DOP1B: variants seen among roughly 807,000 people sequenced by gnomAD.
DOP1B encodes the protein DOP1 leucine zipper like protein B, also known as protein DOP1B.
In DOP1B, 174 loss-of-function variants were observed where a neutral mutation model predicts 233.5. That is an observed-to-expected ratio of 0.75 (90% CI 0.66 to 0.85). The LOEUF is 0.85. Ranked by LOEUF, DOP1B falls within the 40% of genes least tolerant of loss-of-function variation. DOP1B has a pLI of 0.00. For missense variants in DOP1B, 2,652 were observed against 2,846.6 expected (o/e 0.93, Z 1.56); for synonymous variants, 1,190 against 1,185.6 (o/e 1.00, Z -0.08).
chr21:36,245,537 C>T lies in DOP1B; in HGVS notation c.3557C>T (p.Thr1186Met), dbSNP rs1478524066. 18 of 1,613,440 alleles carry T rather than the reference C, an allele frequency of 1.1e-5. No individual in the cohort carries two copies. The highest frequency in any genetic ancestry group is 1.5e-5 in the Non-Finnish European group (18 of 1,180,040). The stretch of plus-strand genomic sequence containing the variant: ...CTGGTGCGGGTGGACTCGGACAAGA[C>T]GCAGGCTTCTGAGTCGTTCTCCAGC... ...LSLVRVDSDK[T>M]QASESFSSDE... The change falls in exon 19 of 37, where the codon ACG becomes ATG. Residue 1186 changes from threonine to methionine, a missense_variant. Physicochemically the swap from Thr to Met is moderately conservative, Grantham distance 81. Around this residue, in one of 3 missense-constraint regions of DOP1B, gnomAD observed 2,617 missense variants for 2,794.3 expected, o/e 0.94. Transcript: ENST00000691173. This position sits in a 1 kb window ranked among gnomAD's most constrained non-coding sequence, Gnocchi z 5.5.
chr21:36,277,758 A>T (rs548910616), intron 28 of DOP1B, among the ~76,000 whole-genome samples: 1 of 150,426 alleles, frequency 6.6e-6, no homozygotes, highest in African/African-American at 2.4e-5. Flanking sequence ...GGGTTCAAGC[A>T]GTTCTCCTGC....
chr21:36,236,741 G>A (rs1000379299), intron 15 of DOP1B, among the ~76,000 whole-genome samples: 2 of 151,046 alleles, frequency 1.3e-5, no homozygotes, highest in African/African-American at 4.9e-5. Context: ...TGACTTTGGT[G>A]GGTTTTTCCT....
chr21:36,293,702 G>A lies in DOP1B; in HGVS notation c.*131G>A. ...TTTCCATTTTGAAAGTAGATTTCAG[G>A]CTAGGTGCGGTGGCTCACACCTGTA... On this transcript the variant is annotated 3_prime_UTR_variant, in exon 37 of 37. Transcript: ENST00000691173. 1 of 1,096,816 alleles carries A rather than the reference G, an allele frequency of 9.1e-7. No individual in the cohort carries two copies. Among genetic ancestry groups the A allele is most frequent in the Non-Finnish European group, 1.3e-6 (1 of 762,408 alleles). 67.9% of individuals were successfully genotyped at this position (1,096,816 alleles called of 1,614,324 possible). A position where few individuals can be genotyped will look rare whatever the true frequency, so the allele number is the denominator to read the frequency against.
chr21:36,164,349 G>A (rs1224511351), intron 1 of DOP1B, among the ~76,000 whole-genome samples: 1 of 152,132 alleles, frequency 6.6e-6, no homozygotes, highest in Non-Finnish European at 1.5e-5. Flanking sequence ...GTTTAGAAAT[G>A]CCATATGATG....
In DOP1B at chr21:36,288,803, G is replaced by A; in HGVS notation, c.6345G>A (p.Glu2115=). 3 of 1,612,888 alleles carry A rather than the reference G, an allele frequency of 1.9e-6. No homozygotes were observed. Among genetic ancestry groups the A allele is most frequent in the Non-Finnish European group, 2.5e-6 (3 of 1,179,208 alleles). Residue 2115 remains glutamate (E), a synonymous_variant, in exon 34 of 37, where the codon GAG becomes GAA. Transcript: ENST00000691173. ...AAGAAGATCTAAAAGATGAAGATGA[G>A]TCATTGAGGTAAGCAGTACAAGATC... ...QLEEDLKDED[E]SLRSTNKVNR... is the part of the protein sequence containing the mutation.
intron 14 of DOP1B, 79 bp downstream of exon 14, chr21:36,231,213 C>A: frequency 6.7e-7 from 1 of 1,482,202 alleles, no homozygotes; most frequent in Non-Finnish European, 9.0e-7. Flanking sequence ...ATCCCCTATC[C>A]ACAATGCTAG....
At chr21:36,223,423 A>C in intron 11 of DOP1B, 73 bp downstream of exon 11, 1 of 1,553,552 alleles carries the variant, frequency 6.4e-7, no homozygotes, top group Non-Finnish European at 8.6e-7. Flanking sequence ...AGCTGCTTAG[A>C]ATATCAGATT....
chr21:36,212,145 T>G (rs772809268), intron 7 of DOP1B, 48 bp downstream of exon 7: 34 of 1,506,932 alleles, frequency 2.3e-5, no homozygotes, highest in Non-Finnish European at 2.9e-5. Flanking sequence ...ATATGAAACC[T>G]TTTAGTGCTG....
In DOP1B at chr21:36,173,336, G is replaced by A. The variant is rs569303844; in HGVS notation, c.138+8465G>A. Among the ~76,000 whole-genome samples the A allele has an allele frequency of 8.5e-5, 13 of 152,056 alleles. No homozygotes were observed. The East Asian group carries it at 2.5e-3, about 29-fold the overall frequency. On this transcript the variant is annotated intron_variant, in intron 2 of 36. Transcript: ENST00000691173. ...CCAGAAGGTCTTGGTATGTCCAGCT[G>A]TAGACAGATTCTAATGGTATCATTT... is the stretch of plus-strand genomic sequence containing the variant.
In DOP1B at chr21:36,247,254, A is replaced by T. The variant is rs141188410; in HGVS notation, c.4698-263A>T. Among the ~76,000 whole-genome samples the T allele has an allele frequency of 2.6e-5, 4 of 152,316 alleles. No individual in the cohort carries two copies. In the South Asian group the frequency reaches 8.3e-4, roughly 32 times the overall value. On this transcript the variant is annotated intron_variant, in intron 19 of 36. Coordinates refer to ENST00000691173, the MANE Select transcript of DOP1B (RefSeq NM_001320714.2). ...CAGGGCATGTCAGCTACTCTCTACT[A>T]TTTTTGCAAAACAGAAATAAAAATG...
chr21:36,188,005 T>G (rs1394799240), intron 2 of DOP1B, among the ~76,000 whole-genome samples: 2 of 152,004 alleles, frequency 1.3e-5, no homozygotes, highest in East Asian at 3.8e-4. Flanking sequence ...AAGAAAATTT[T>G]AAAAGGAAAA....
rs1569021930 is a variant in DOP1B at position 36,208,699 on chromosome 21, C to T, written c.492-16C>T. On this transcript the variant is annotated splice_polypyrimidine_tract_variant and intron_variant, in intron 4 of 36. Coordinates refer to ENST00000691173, the MANE Select transcript of DOP1B (RefSeq NM_001320714.2). ...GATGGGGCGAGCCCTTGAACCCTAT[C>T]CTCTCTCATCAACAGAACGGATGCT... 3 of 1,610,266 alleles carry T rather than the reference C, an allele frequency of 1.9e-6. No homozygotes were observed. Among genetic ancestry groups the T allele is most frequent in the African/African-American group, 2.7e-5 (2 of 74,762 alleles).
chr21:36,237,545 C>A, intron 16 of DOP1B, 131 bp downstream of exon 16: 3 of 1,200,652 alleles, frequency 2.5e-6, no homozygotes, highest in Non-Finnish European at 3.5e-6. Context: ...ATAAAATAAG[C>A]AGAGGTGTTC....
rs764640690 is a variant in DOP1B, at chr21:36,251,260, A to G, written c.5097A>G (p.Lys1699=). ...TTGCGGCAGTGTGGAGCAGAAAGAA[A>G]GCCCAGCGTCACAGTAAGATGAAGG... The part of the protein sequence containing the change: ...AAVAAVWSRK[K]AQRHSKMKII... The change falls in exon 22 of 37, where the codon AAA becomes AAG. Residue 1699 remains lysine, a synonymous_variant. Coordinates refer to ENST00000691173, the MANE Select transcript of DOP1B (RefSeq NM_001320714.2). The G allele has an allele frequency of 1.2e-6, 2 of 1,613,770 alleles. No individual in the cohort carries two copies. The highest frequency in any genetic ancestry group is 1.1e-5 in the South Asian group (1 of 90,978).
chr21:36,170,554 C>CCA (rs1280472312), intron 2 of DOP1B: 1 of 152,712 alleles, frequency 6.5e-6, no homozygotes, highest in Non-Finnish European at 1.5e-5. Context: ...TGAGATCGTG[C>CCA]CACTGCACTC....
intron 2 of DOP1B, chr21:36,169,013 C>T (rs2065943978): frequency 1.1e-5 from 9 of 804,326 alleles, no homozygotes; most frequent in South Asian, 2.7e-5. Context: ...CTCGAGTGGT[C>T]CCATGAATGC....
In DOP1B at chr21:36,237,244, G is replaced by A. The variant is rs1569041300; in HGVS notation, c.2623-18G>A. 6.2e-7 allele frequency: 1 copy of A among 1,614,134 alleles called. No homozygotes were observed. Among genetic ancestry groups the A allele is most frequent in the Admixed American group, 1.7e-5 (1 of 60,012 alleles). On this transcript the variant is annotated intron_variant, in intron 15 of 36. Transcript: ENST00000691173. ...GTGTTGACCTGGTCCCCCACCGCCT[G>A]CCTTTTCCTTGTCCCAGAGGGTGGC...
Position 36,270,041 on chromosome 21 carries a change from T to TG in DOP1B, c.5520dup (p.Asn1841GlufsTer31), listed in dbSNP as rs1442261595. ...ATCACTCAGAAAATCCTAGAAGCTG[T>TG]GGGGAACATTGCCGGCTCTTCCTTG... On this transcript the variant is annotated frameshift_variant, in exon 27 of 37. Coordinates refer to ENST00000691173, the MANE Select transcript of DOP1B (RefSeq NM_001320714.2). LOFTEE classifies it high-confidence loss of function. The TG allele has an allele frequency of 6.2e-7, 1 of 1,613,906 alleles. No homozygotes were observed. Among genetic ancestry groups the TG allele is most frequent in the Admixed American group, 1.7e-5 (1 of 59,976 alleles).
chr21:36,288,731 T>C, intron 33 of DOP1B, 25 bp from the exon 34 acceptor site: 1 of 1,574,268 alleles, frequency 6.4e-7, no homozygotes, highest in Non-Finnish European at 8.7e-7. Flanking sequence ...TCTCAGATAG[T>C]AACTTGAATG....
Sources: gnomAD v4.1 joint callset for allele counts (sites outside exome capture counted in the v4.1 genomes callset) on GRCh38, gnomAD v4.1.1 for gene constraint, gnomAD v4.1.1 regional missense constraint, Gnocchi (gnomAD v3.1) non-coding constraint, MANE v1.5 for transcripts, NCBI Gene and HGNC (gene_info 2026-07-23, HGNC 2026-07-21) for gene names.